CACNA1S: variants seen among roughly 807,000 people sequenced by gnomAD.
CACNA1S encodes voltage-dependent L-type calcium channel subunit alpha-1S.
CACNA1S carries 126 observed loss-of-function variants against 207.4 expected under a neutral mutation model. The observed-to-expected ratio is 0.61, with a 90% CI of 0.53 to 0.70. The LOEUF (loss-of-function observed/expected upper bound fraction) is 0.70, where lower values mean the gene tolerates loss of function less well. CACNA1S is among the 30% of genes least tolerant of loss of function. CACNA1S has a pLI of 0.00. For synonymous variants in CACNA1S, 960 were observed against 932.7 expected (o/e 1.03, Z -0.53); for missense variants, 2,349 against 2,422.8 (o/e 0.97, Z 0.64).
rs1358686724 is a variant in CACNA1S at position 201,053,705 on chromosome 1, T to C, written c.3667-118A>G. 1.9e-6 allele frequency: 2 copies of C among 1,051,138 alleles called. No homozygotes were observed. The highest frequency in any genetic ancestry group is 3.1e-5 in the African/African-American group (2 of 63,940). 65.1% of individuals were successfully genotyped at this position (1,051,138 alleles called of 1,614,324 possible). On this transcript the variant is annotated intron_variant, in intron 29 of 43. Transcript: ENST00000362061. This position sits in a 1 kb window ranked among gnomAD's most constrained non-coding sequence, Gnocchi z 5.1. ...GGAGATGTTTGTGGCATGGAGGAAC[T>C]CCAGCCCCGCCTCTGGCCCCTGCTG... is the stretch of plus-strand genomic sequence containing the variant.
intron 3 of CACNA1S, among the ~76,000 whole-genome samples, chr1:201,092,603 C>A (rs538841589): frequency 6.6e-6 from 1 of 152,208 alleles, no homozygotes; most frequent in African/African-American, 2.4e-5. Flanking sequence ...TTTCCATTAT[C>A]CTTTGAAGTC....
chr1:201,084,958 G>T lies in CACNA1S; in HGVS notation c.1224C>A (p.Ile408=). 1.2e-6 allele frequency: 2 copies of T among 1,611,660 alleles called. No individual in the cohort carries two copies. The highest frequency in any genetic ancestry group is 1.1e-5 in the South Asian group (1 of 91,038). ...AGTGGGCAGATACTCACATGAACTGGATGATTTTGTTCAAGCCTGCAATTT... is the reference window on the plus strand; with the variant it reads ...AGTGGGCAGATACTCACATGAACTGTATGATTTTGTTCAAGCCTGCAATTT... ...LYEIAGLNKI[I]QFIRHWRQWN... The change falls in exon 9 of 44, where the codon ATC becomes ATA. Residue 408 remains isoleucine (I), a synonymous_variant. Coordinates refer to ENST00000362061, the MANE Select transcript of CACNA1S (RefSeq NM_000069.3).
intron 1 of CACNA1S, 115 bp downstream of exon 1, chr1:201,112,073 T>G: frequency 7.6e-6 from 7 of 919,706 alleles, no homozygotes; most frequent in Non-Finnish European, 1.1e-5. Context: ...GTTCACCCCA[T>G]GTCTAAGTGC....
At chr1:201,077,330 T>C (rs1185180146) in intron 11 of CACNA1S, among the ~76,000 whole-genome samples, 1 of 152,248 alleles carries the variant, frequency 6.6e-6, no homozygotes, top group African/African-American at 2.4e-5. Flanking sequence ...AATTTCACGC[T>C]GGTTAATATG....
At chr1:201,092,419 G>A (rs1039320493) in intron 3 of CACNA1S, among the ~76,000 whole-genome samples, 28 of 152,118 alleles carry the variant, frequency 1.8e-4, no homozygotes, top group African/African-American at 6.8e-4. Context: ...CTGGCCCTGG[G>A]GCTGAGTACC....
intron 9 of CACNA1S, 122 bp from the exon 10 acceptor site, chr1:201,083,444 T>C: frequency 1.1e-6 from 1 of 948,662 alleles, no homozygotes; most frequent in Non-Finnish European, 1.7e-6. Context: ...GCCAGCCACA[T>C]GAGAGAAGCT....
chr1:201,041,399 A>T lies in CACNA1S; in HGVS notation c.5134+105T>A, dbSNP rs796092501. 56 of 855,804 alleles carry T rather than the reference A, an allele frequency of 6.5e-5. No homozygotes were observed. In the African/African-American group the frequency reaches 8.4e-4, roughly 13 times the overall value. The allele number at this position is 855,804 out of a possible 1,614,324, so 53.0% of individuals were successfully genotyped here. On this transcript the variant is annotated intron_variant, in intron 41 of 43. Transcript: ENST00000362061. ...TGACTGCCATTGTAACAGGCTCCCA[A>T]GCCAGCCCTCCCAGCCAAGTTCCCA...
intron 27 of CACNA1S, among the ~76,000 whole-genome samples, chr1:201,058,826 C>T (rs1013186910): frequency 6.6e-5 from 10 of 152,196 alleles, no homozygotes; most frequent in African/African-American, 2.4e-4. Flanking sequence ...TGGGGCTTGA[C>T]AGTGCGGAAC....
At chr1:201,046,748 G>A (rs1241039340) in intron 38 of CACNA1S, among the ~76,000 whole-genome samples, 1 of 151,950 alleles carries the variant, frequency 6.6e-6, no homozygotes, top group East Asian at 1.9e-4. Context: ...TGGCCAGGCT[G>A]GTCTTGAACT....
intron 16 of CACNA1S, 95 bp downstream of exon 16, chr1:201,072,660 G>A (rs1661465909): frequency 4.5e-6 from 4 of 879,596 alleles, no homozygotes; most frequent in Non-Finnish European, 7.8e-6. Context: ...TACAGGTAGG[G>A]ACACACAAGA....
intron 8 of CACNA1S, among the ~76,000 whole-genome samples, 161 bp from the exon 9 acceptor site, chr1:201,085,192 T>C (rs538237894): frequency 3.9e-5 from 6 of 152,172 alleles, no homozygotes; most frequent in African/African-American, 1.2e-4. Flanking sequence ...GACTGAGAGT[T>C]CCAAGAGCTA....
chr1:201,094,354 C>CTA (rs1211622786), intron 2 of CACNA1S, among the ~76,000 whole-genome samples: 5 of 152,124 alleles, frequency 3.3e-5, no homozygotes, highest in African/African-American at 7.2e-5. Flanking sequence ...AATACCATAT[C>CTA]TATATATATA....
intron 33 of CACNA1S, among the ~76,000 whole-genome samples, chr1:201,050,782 C>T (rs185628600): frequency 5.9e-5 from 9 of 152,212 alleles, no homozygotes; most frequent in Middle Eastern, 3.4e-3. Flanking sequence ...TTTTGGCAGC[C>T]TCTCTGGAGT....
intron 38 of CACNA1S, among the ~76,000 whole-genome samples, chr1:201,045,787 G>C (rs1386254253): frequency 6.7e-6 from 1 of 148,154 alleles, no homozygotes; most frequent in Non-Finnish European, 1.5e-5. Context: ...TGATTTTGTG[G>C]TTATGTTGTG....
Position 201,074,626 on chromosome 1 carries a change from C to T in CACNA1S, c.1949-6G>A, listed in dbSNP as rs373698107. 36 of 1,590,552 alleles carry T rather than the reference C, an allele frequency of 2.3e-5. No homozygotes were observed. Among genetic ancestry groups the T allele is most frequent in the African/African-American group, 1.9e-4 (14 of 74,504 alleles). ...GAAGACATTGAGCAGGATGTCTGAG[C>T]GGGTTTAGCTAAGGAGCCTTTGGTT... On this transcript the variant is annotated splice_region_variant and splice_polypyrimidine_tract_variant and intron_variant, in intron 13 of 43. Coordinates refer to ENST00000362061, the MANE Select transcript of CACNA1S (RefSeq NM_000069.3).
At position 201,076,928 on chromosome 1, in the gene CACNA1S, C is replaced by T. The variant is rs377461013; in HGVS notation, c.1819G>A (p.Val607Ile). 55 of 1,614,012 alleles carry T rather than the reference C, an allele frequency of 3.4e-5. No homozygotes were observed. Among genetic ancestry groups the T allele is most frequent in the African/African-American group, 1.3e-4 (10 of 74,920 alleles). The change falls in exon 12 of 44, where the codon GTC (valine) becomes ATC (isoleucine). Residue 607 changes from valine to isoleucine, a missense_variant. Val to Ile is a conservative substitution (Grantham distance 29, BLOSUM62 3). Transcript: ENST00000362061. ...GCAGAGGGAGAGCCTACCTGGAAGA[C>T]GCTGATGAGGGCTTGGGGAAAGTTG... ...FDNFPQALIS[V>I]FQVLTGEDWT... is the part of the protein sequence containing the mutation.
At chr1:201,074,187 G>A (rs1186270279) in intron 14 of CACNA1S, among the ~76,000 whole-genome samples, 1 of 152,222 alleles carries the variant, frequency 6.6e-6, no homozygotes, top group Non-Finnish European at 1.5e-5. Flanking sequence ...CAGAGGCATA[G>A]CGACTCAGTG....
intron 15 of CACNA1S, 67 bp from the exon 16 acceptor site, chr1:201,072,891 T>C: frequency 4.3e-6 from 5 of 1,169,476 alleles, no homozygotes; most frequent in South Asian, 1.2e-5. Context: ...AATGAGCATA[T>C]ACTGGAGAGC....
In CACNA1S at chr1:201,069,021, TC is replaced by T. The variant is rs1204722187; in HGVS notation, c.2550+115del. ...CGGTGTGCTGGGTCCCATGAGTCTT[TC>T]CTGCCAGTCTCCACCTCTTTTCTGC... is the stretch of plus-strand genomic sequence containing the variant. On this transcript the variant is annotated intron_variant, in intron 19 of 43. Transcript: ENST00000362061. The T allele has an allele frequency of 1.5e-5, 14 of 928,226 alleles. No individual in the cohort carries two copies. In the East Asian group the frequency reaches 3.5e-4, roughly 24 times the overall value. The allele number at this position is 928,226 out of a possible 1,614,324, so 57.5% of individuals were successfully genotyped here.
Sources: gnomAD v4.1 joint callset for allele counts (sites outside exome capture counted in the v4.1 genomes callset) on GRCh38, gnomAD v4.1.1 for gene constraint, Gnocchi (gnomAD v3.1) non-coding constraint, MANE v1.5 for transcripts, NCBI Gene and HGNC (gene_info 2026-07-23, HGNC 2026-07-21) for gene names.